Variants in RPH3A observed in about 807,000 individuals in gnomAD.
RPH3A encodes the protein rabphilin-3A.
Under a neutral mutation model 102.2 loss-of-function variants are expected in RPH3A, and 48 were observed. That is an observed-to-expected ratio of 0.47 (90% CI 0.37 to 0.60). The LOEUF (loss-of-function observed/expected upper bound fraction) is 0.60. Ranked by LOEUF, RPH3A falls within the 20% of genes least tolerant of loss-of-function variation. RPH3A has a pLI of 0.00. For synonymous variants in RPH3A, 310 were observed against 324.3 expected (o/e 0.96, Z 0.47); for missense variants, 781 against 910.1 (o/e 0.86, Z 1.83).
intron 1 of RPH3A, among the ~76,000 whole-genome samples, chr12:112,661,612 G>A (rs985799342): frequency 4.6e-5 from 7 of 152,206 alleles, no homozygotes; most frequent in African/African-American, 1.7e-4. Context: ...GATCTTCCTG[G>A]AAGGAAACAG....
At chr12:112,862,810 A>T (rs981574335) in intron 5 of RPH3A, among the ~76,000 whole-genome samples, 2 of 152,138 alleles carry the variant, frequency 1.3e-5, no homozygotes, top group African/African-American at 4.8e-5. Flanking sequence ...AACTCAGAGC[A>T]CTCTGAGGGT....
intron 1 of RPH3A, among the ~76,000 whole-genome samples, chr12:112,594,116 T>C (rs1220572641): frequency 6.6e-6 from 1 of 152,242 alleles, no homozygotes; most frequent in East Asian, 1.9e-4. Context: ...GTACTGCCTC[T>C]AATCAGTTGT....
At chr12:112,878,617 A>G (rs1004819871) in intron 13 of RPH3A, among the ~76,000 whole-genome samples, 1 of 152,240 alleles carries the variant, frequency 6.6e-6, no homozygotes, top group Non-Finnish European at 1.5e-5. Flanking sequence ...AGTGACTATG[A>G]TGGTAGCTAC....
chr12:112,701,998 G>A (rs2040398037), intron 1 of RPH3A, among the ~76,000 whole-genome samples: 1 of 152,250 alleles, frequency 6.6e-6, no homozygotes, highest in African/African-American at 2.4e-5. Context: ...AGAGCAGAAG[G>A]AGTTAGGGGA....
intron 2 of RPH3A, among the ~76,000 whole-genome samples, chr12:112,811,792 A>G (rs1347363807): frequency 2.6e-5 from 4 of 152,192 alleles, no homozygotes; most frequent in Non-Finnish European, 4.4e-5. Flanking sequence ...ATCTGCATTC[A>G]TCATGACTAT....
chr12:112,887,681 T>C, intron 16 of RPH3A, 116 bp from the exon 17 acceptor site: 4 of 1,143,578 alleles, frequency 3.5e-6, no homozygotes. Context: ...CAGGAAATCA[T>C]ATTATTTCCA....
intron 20 of RPH3A, chr12:112,895,421 C>A: frequency 5.2e-6 from 1 of 193,184 alleles, no homozygotes; most frequent in Admixed American, 5.3e-5. Context: ...ACTTTTATTC[C>A]TAAGCAATAA....
Position 112,760,628 on chromosome 12 carries a change from C to T in RPH3A, c.-139-31515C>T, listed in dbSNP as rs115098762. Among the ~76,000 whole-genome samples, 1,136 of 152,274 alleles carry T rather than the reference C, an allele frequency of 7.5e-3. 11 individuals carry two copies. Among genetic ancestry groups the T allele is most frequent in the African/African-American group, 0.025 (1,037 of 41,542 alleles). ...GGTTCAGGCAAGGCACTGACTGAGG[C>T]TCTGGGCAAGTATAAATGGCTCCTG... On this transcript the variant is annotated intron_variant, in intron 1 of 21. Transcript: ENST00000543106.
At chr12:112,721,234 C>A (rs1332722391) in intron 1 of RPH3A, among the ~76,000 whole-genome samples, 1 of 152,178 alleles carries the variant, frequency 6.6e-6, no homozygotes, top group Non-Finnish European at 1.5e-5. Context: ...TAGACATCTA[C>A]TCTTGACATT....
rs115484697 is a variant in RPH3A at position 112,606,799 on chromosome 12, G to A, written c.-140+31480G>A. 2.2e-3 allele frequency among the ~76,000 whole-genome samples: 332 copies of A among 152,262 alleles called. 1 individual carries two copies. The highest frequency in any genetic ancestry group is 0.01 in the Middle Eastern group (3 of 294). On this transcript the variant is annotated intron_variant, in intron 1 of 21. Transcript: ENST00000543106. ...AAACACTTTTGAACAACCAGGTCTC[G>A]TGAGAACTCACTCAGTATCATGAGA...
intron 2 of RPH3A, among the ~76,000 whole-genome samples, chr12:112,805,036 C>G (rs10850082): frequency 6.6e-6 from 1 of 151,824 alleles, no homozygotes; most frequent in Non-Finnish European, 1.5e-5. Context: ...CTAGAAAAAA[C>G]AAACAAACAA....
At chr12:112,807,424 C>G (rs1402823143) in intron 2 of RPH3A, among the ~76,000 whole-genome samples, 1 of 152,098 alleles carries the variant, frequency 6.6e-6, no homozygotes, top group African/African-American at 2.4e-5. Context: ...TGTGGGGCCC[C>G]TTCCTGAGAA....
intron 1 of RPH3A, among the ~76,000 whole-genome samples, chr12:112,757,581 TA>T (rs1398359112): frequency 6.6e-6 from 1 of 152,172 alleles, no homozygotes; most frequent in East Asian, 1.9e-4. Flanking sequence ...TTTTCAAAAT[TA>T]AAAAAAATTT....
chr12:112,752,912 T>C (rs1288233695), intron 1 of RPH3A, among the ~76,000 whole-genome samples: 1 of 151,828 alleles, frequency 6.6e-6, no homozygotes, highest in Non-Finnish European at 1.5e-5. Flanking sequence ...TGAGACTGTA[T>C]GATCATTTAT....
At chr12:112,881,947 A>C in intron 15 of RPH3A, 101 bp downstream of exon 15, 2 of 799,060 alleles carry the variant, frequency 2.5e-6, no homozygotes, top group Non-Finnish European at 4.1e-6. Context: ...TCTGCCCCAA[A>C]TCCCCAACCC....
At position 112,870,000 on chromosome 12, in the gene RPH3A, C is replaced by A. The variant is rs375588972; in HGVS notation, c.757C>A (p.His253Asn). ...TAGCCGAGATTCAGAGAGCTGGGAC[C>A]ACAGTGGGGGTGCTGGAGACTCCAG... is the stretch of plus-strand genomic sequence containing the variant. ...SSSRDSESWD[H>N]SGGAGDSSRS... Residue 253 changes from histidine (H) to asparagine (N), a missense_variant, in exon 10 of 22, where the codon CAC (histidine) becomes AAC (asparagine). This residue lies in a region of RPH3A where 730 missense variants were observed against 810.0 expected (regional missense o/e 0.90). Transcript: ENST00000389385. 1 of 1,613,994 alleles carries A rather than the reference C, an allele frequency of 6.2e-7. No individual in the cohort carries two copies. The highest frequency in any genetic ancestry group is 1.3e-5 in the African/African-American group (1 of 74,896).
intron 3 of RPH3A, 42 bp downstream of exon 3, chr12:112,828,431 G>T: frequency 2.0e-6 from 3 of 1,466,138 alleles, no homozygotes; most frequent in African/African-American, 2.8e-5. Flanking sequence ...GTTTTGAGTC[G>T]ATGAGGTTTT....
At chr12:112,793,263 C>T (rs1282290837) in intron 2 of RPH3A, among the ~76,000 whole-genome samples, 1 of 152,214 alleles carries the variant, frequency 6.6e-6, no homozygotes, top group Non-Finnish European at 1.5e-5. Context: ...GGGGATTTCA[C>T]TTTGCTTTCT....
chr12:112,837,121 G>A (rs11610455), intron 4 of RPH3A, among the ~76,000 whole-genome samples: 42,164 of 152,122 alleles, frequency 0.28, 7,163 homozygotes, highest in East Asian at 0.48. Context: ...TCAGTTGCGT[G>A]CACACATTCA....
Sources: allele counts gnomAD v4.1 joint callset (sites outside exome capture counted in the v4.1 genomes callset), GRCh38; gene constraint gnomAD v4.1.1; regional missense constraint gnomAD v4.1.1; transcripts MANE v1.5; gene names NCBI Gene and HGNC (gene_info 2026-07-23, HGNC 2026-07-21).